The following ABR variants were observed in gnomAD, a reference collection of about 807,000 sequenced individuals.
The protein encoded by ABR is ABR activator of RhoGEF and GTPase.
ABR carries 35 observed loss-of-function variants against 107.2 expected under a neutral mutation model. The observed-to-expected ratio is 0.33, with a 90% confidence interval of 0.25 to 0.43. The LOEUF (loss-of-function observed/expected upper bound fraction) is 0.43, where lower values mean the gene tolerates loss of function less well. Among genes scored for constraint, ABR ranks in the 20% least tolerant of loss-of-function variants. ABR has a pLI of 1.00. For synonymous variants in ABR, 498 were observed against 462.0 expected (o/e 1.08, Z -1.00); for missense variants, 815 against 1,115.2 (o/e 0.73, Z 3.83).
chr17:1,218,475 G>A (rs1220140306), intron 1 of ABR, among the ~76,000 whole-genome samples: 1 of 152,220 alleles, frequency 6.6e-6, no homozygotes, highest in African/African-American at 2.4e-5. Flanking sequence ...GTGAGCTGGA[G>A]TAGAGAATAA....
chr17:1,056,293 G>A (rs940552616), intron 13 of ABR, among the ~76,000 whole-genome samples, 184 bp from the exon 14 acceptor site: 1 of 152,066 alleles, frequency 6.6e-6, no homozygotes, highest in Non-Finnish European at 1.5e-5. Flanking sequence ...GCTGCCCGGG[G>A]TAGGGCTAGG....
intron 1 of ABR, among the ~76,000 whole-genome samples, chr17:1,227,386 C>T (rs1457438261): frequency 6.6e-6 from 1 of 152,174 alleles, no homozygotes; most frequent in Non-Finnish European, 1.5e-5. Flanking sequence ...TGGAACTTGG[C>T]ACTAGGGTGA....
At chr17:1,136,451 A>T (rs1171944538) in intron 1 of ABR, among the ~76,000 whole-genome samples, 2 of 148,382 alleles carry the variant, frequency 1.3e-5, no homozygotes, top group Non-Finnish European at 3.0e-5. Context: ...CTGATCTTGA[A>T]CTCCTGACCT....
chr17:1,204,032 G>C (rs1479958152), intron 1 of ABR, among the ~76,000 whole-genome samples: 1 of 152,356 alleles, frequency 6.6e-6, no homozygotes, highest in South Asian at 2.1e-4. Context: ...CCCGGCCCAC[G>C]GGCCAGCCCA....
At chr17:1,123,924 G>A (rs1371533281) in intron 2 of ABR, among the ~76,000 whole-genome samples, 1 of 152,130 alleles carries the variant, frequency 6.6e-6, no homozygotes, top group African/African-American at 2.4e-5. Context: ...TCCCGTCTTA[G>A]GGCAGGTCAA....
chr17:1,111,938 C>T (rs911379722), intron 2 of ABR, among the ~76,000 whole-genome samples: 3 of 152,268 alleles, frequency 2.0e-5, no homozygotes, highest in African/African-American at 7.2e-5. Flanking sequence ...ACCCTTCCTC[C>T]TTCTGAAACA....
At chr17:1,215,983 C>A (rs1038150335) in intron 1 of ABR, among the ~76,000 whole-genome samples, 3 of 134,304 alleles carry the variant, frequency 2.2e-5, no homozygotes, top group Admixed American at 7.8e-5. Flanking sequence ...GCAGCGTGCT[C>A]GTTAAGAGTC....
chr17:1,032,017 G>A (rs925185670), intron 16 of ABR, among the ~76,000 whole-genome samples: 2 of 150,224 alleles, frequency 1.3e-5, no homozygotes, highest in African/African-American at 2.4e-5. Flanking sequence ...CCCCAACCCC[G>A]GGTTTCATCC....
At chr17:1,058,976 T>TA in intron 10 of ABR, 109 bp from the exon 11 acceptor site, 1 of 1,477,506 alleles carries the variant, frequency 6.8e-7, no homozygotes, top group Non-Finnish European at 9.1e-7. Flanking sequence ...ACATTTTCCG[T>TA]ATTTCGTGAT....
intron 6 of ABR, among the ~76,000 whole-genome samples, chr17:1,077,998 C>T (rs1177653178): frequency 1.3e-5 from 2 of 151,438 alleles, no homozygotes; most frequent in Non-Finnish European, 2.9e-5. Context: ...CTCCTACGAC[C>T]GACAGTCGTG....
intron 2 of ABR, among the ~76,000 whole-genome samples, chr17:1,117,776 G>A (rs1248982811): frequency 1.3e-5 from 1 of 79,066 alleles, no homozygotes; most frequent in African/African-American, 6.1e-5. Flanking sequence ...TTATCCCTGA[G>A]CCTGAGTTCT....
chr17:1,149,202 G>A (rs1222875551), intron 1 of ABR, among the ~76,000 whole-genome samples: 1 of 151,730 alleles, frequency 6.6e-6, no homozygotes, highest in Non-Finnish European at 1.5e-5. Context: ...CTAGCGCCCG[G>A]CCTATTTTGC....
chr17:1,091,186 C>T (rs2036999206), intron 4 of ABR, among the ~76,000 whole-genome samples: 1 of 152,166 alleles, frequency 6.6e-6, no homozygotes, highest in South Asian at 2.1e-4. Flanking sequence ...AGTCCTCATG[C>T]CCCTAACCCG....
At chr17:1,034,813 A>G (rs551297805) in intron 16 of ABR, among the ~76,000 whole-genome samples, 1 of 152,224 alleles carries the variant, frequency 6.6e-6, no homozygotes, top group East Asian at 1.9e-4. Flanking sequence ...GCTGGGTCCC[A>G]GGCCACAGGG....
At chr17:1,059,680 G>C (rs1176357849) in intron 10 of ABR, among the ~76,000 whole-genome samples, 1 of 152,158 alleles carries the variant, frequency 6.6e-6, no homozygotes, top group Non-Finnish European at 1.5e-5. Context: ...AATGTTCCAA[G>C]TTTCTGTCTG....
intron 1 of ABR, among the ~76,000 whole-genome samples, chr17:1,211,923 A>G (rs916360919): frequency 2.0e-5 from 3 of 151,448 alleles, no homozygotes; most frequent in Non-Finnish European, 4.4e-5. Flanking sequence ...TCTACTAAAA[A>G]TACAAAAAAT....
At chr17:1,225,971 G>A (rs1023780848) in intron 1 of ABR, among the ~76,000 whole-genome samples, 1 of 152,092 alleles carries the variant, frequency 6.6e-6, no homozygotes, top group African/African-American at 2.4e-5. Context: ...TTCTACATCA[G>A]CTCCCAGTGT....
At chr17:1,146,756 C>T (rs2151514272) in intron 1 of ABR, among the ~76,000 whole-genome samples, 1 of 140,674 alleles carries the variant, frequency 7.1e-6, no homozygotes, top group Middle Eastern at 3.9e-3. Flanking sequence ...GCCACCACTG[C>T]CACATGACAC....
rs1203542043 is a variant in ABR, at chr17:1,179,595, C to A, written c.61+72G>T. The A allele has an allele frequency of 7.2e-7, 1 of 1,395,584 alleles. No individual in the cohort carries two copies. The highest frequency in any genetic ancestry group is 1.5e-5 in the African/African-American group (1 of 67,022). The allele number at this position is 1,395,584 out of a possible 1,614,324, so 86.5% of individuals were successfully genotyped here. On this transcript the variant is annotated intron_variant, in intron 1 of 22. Transcript: ENST00000302538. The surrounding 1 kb of genome is among the most constrained non-coding windows in gnomAD (Gnocchi z 4.9). ...CCGATCTTGGGGTCCCGATCCCGAT[C>A]CTGGGGTCCCGATCTCCATCCTGGG...
Sources: allele counts gnomAD v4.1 joint callset (sites outside exome capture counted in the v4.1 genomes callset), GRCh38; gene constraint gnomAD v4.1.1; non-coding constraint Gnocchi (gnomAD v3.1); transcripts MANE v1.5; gene names NCBI Gene and HGNC (gene_info 2026-07-23, HGNC 2026-07-21).